CHIC2: variants seen among roughly 807,000 people sequenced by gnomAD.
The protein encoded by CHIC2 is cysteine rich hydrophobic domain 2.
CHIC2 carries 14 observed loss-of-function variants against 25.9 expected under a neutral mutation model. The ratio of observed to expected loss-of-function variants is 0.54; its 90% CI spans 0.36 to 0.85. The LOEUF (loss-of-function observed/expected upper bound fraction) is 0.85, where lower values mean the gene tolerates loss of function less well. CHIC2 is among the 40% of genes least tolerant of loss of function. The pLI is 0.01. For synonymous variants in CHIC2, 70 were observed against 72.0 expected (o/e 0.97, Z 0.14); for missense variants, 146 against 202.0 (o/e 0.72, Z 1.68).
upstream of CHIC2, among the ~76,000 whole-genome samples, chr4:54,069,522 C>T (rs1717583070): frequency 6.6e-6 from 1 of 152,210 alleles, no homozygotes; most frequent in Non-Finnish European, 1.5e-5. Flanking sequence ...GCTCTCAGAA[C>T]CCTGTTCCTT....
chr4:54,083,620 G>A, the CHIC2 span, among the ~76,000 whole-genome samples: 1 of 151,890 alleles, frequency 6.6e-6, no homozygotes, highest in Non-Finnish European at 1.5e-5. Context: ...AGTAACCAAG[G>A]CTCATTGGTG....
At chr4:54,040,859 C>A (rs1180727147) in intron 3 of CHIC2, among the ~76,000 whole-genome samples, 1 of 150,746 alleles carries the variant, frequency 6.6e-6, no homozygotes, top group Non-Finnish European at 1.5e-5. Context: ...GCCTGGATGA[C>A]AAGAGTAAAA....
At chr4:54,090,298 G>C in the CHIC2 span, among the ~76,000 whole-genome samples, 6 of 152,080 alleles carry the variant, frequency 3.9e-5, no homozygotes, top group South Asian at 2.1e-4. Context: ...GAATTCTCCT[G>C]TCTCAGCCTC....
In CHIC2 at chr4:54,014,057, A is replaced by G. The variant is rs749039592; in HGVS notation, c.387+6T>C. On this transcript the variant is annotated splice_donor_region_variant and intron_variant, in intron 4 of 5. Transcript: ENST00000263921. The stretch of plus-strand genomic sequence containing the variant: ...ACAGTACGAAGCTGCTCCCTGTGGT[A>G]CTCACCTTGTGGTATAACCTATTGT... The G allele has an allele frequency of 6.2e-7, 1 of 1,613,090 alleles. No homozygotes were observed. The highest frequency in any genetic ancestry group is 8.5e-7 in the Non-Finnish European group (1 of 1,179,354).
At chr4:54,045,050 A>G (rs868718449) in intron 3 of CHIC2, among the ~76,000 whole-genome samples, 1 of 152,262 alleles carries the variant, frequency 6.6e-6, no homozygotes, top group Non-Finnish European at 1.5e-5. Flanking sequence ...AAAATCCAGA[A>G]GAAATGGATA....
intron 3 of CHIC2, among the ~76,000 whole-genome samples, chr4:54,034,731 G>A (rs1716332872): frequency 6.6e-6 from 1 of 152,004 alleles, no homozygotes; most frequent in Admixed American, 6.6e-5. Context: ...TATACTTGTT[G>A]CTTTTTCTTG....
At chr4:54,029,935 C>A (rs983954794) in intron 3 of CHIC2, among the ~76,000 whole-genome samples, 9 of 152,178 alleles carry the variant, frequency 5.9e-5, no homozygotes, top group Non-Finnish European at 1.2e-4. Context: ...CTATTCACTT[C>A]TCCCATTTAG....
intron 1 of CHIC2, among the ~76,000 whole-genome samples, chr4:54,053,808 TGAGAC>T: frequency 6.6e-6 from 1 of 152,296 alleles, no homozygotes; most frequent in African/African-American, 2.4e-5. Context: ...TTTATTTTTT[TGAGAC>T]AGAGTCTCGC....
chr4:54,062,485 C>T (rs751943769), intron 1 of CHIC2, among the ~76,000 whole-genome samples: 8 of 152,060 alleles, frequency 5.3e-5, no homozygotes, highest in Non-Finnish European at 8.8e-5. Flanking sequence ...AGTTTGAAAA[C>T]CACTAATAAT....
chr4:54,042,260 T>C (rs1424794884), intron 3 of CHIC2, among the ~76,000 whole-genome samples: 1 of 152,198 alleles, frequency 6.6e-6, no homozygotes, highest in Non-Finnish European at 1.5e-5. Context: ...TCTAGTCATA[T>C]AAAATACAAA....
At chr4:54,048,803 AC>A (rs1716910828) in intron 3 of CHIC2, 151 bp downstream of exon 3, 2 of 576,110 alleles carry the variant, frequency 3.5e-6, no homozygotes, top group African/African-American at 3.9e-5. Context: ...ATATATAGTA[AC>A]TTTACTGACT....
chr4:54,012,489 T>C (rs1008043322), intron 5 of CHIC2, among the ~76,000 whole-genome samples: 1 of 152,180 alleles, frequency 6.6e-6, no homozygotes, highest in South Asian at 2.1e-4. Context: ...ACTTTTATGT[T>C]TTCCTTTCCA....
chr4:54,069,876 C>T, the CHIC2 span, among the ~76,000 whole-genome samples: 2 of 152,160 alleles, frequency 1.3e-5, no homozygotes, highest in African/African-American at 2.4e-5. Context: ...GTGCCAGGAA[C>T]TAGGGATTTA....
intron 1 of CHIC2, among the ~76,000 whole-genome samples, chr4:54,063,469 A>G (rs745714493): frequency 5.3e-5 from 8 of 152,222 alleles, no homozygotes; most frequent in Non-Finnish European, 1.0e-4. Context: ...TAATGTTACT[A>G]GTGGGACTTT....
intron 3 of CHIC2, among the ~76,000 whole-genome samples, chr4:54,045,717 G>A (rs1216987471): frequency 2.0e-4 from 30 of 152,082 alleles, no homozygotes. Context: ...AAAACTGGAA[G>A]CATTCCCTTT....
At chr4:54,040,703 CAAAAA>C (rs71200354) in intron 3 of CHIC2, among the ~76,000 whole-genome samples, 2 of 59,310 alleles carry the variant, frequency 3.4e-5, no homozygotes, top group South Asian at 8.3e-4. Flanking sequence ...AACTCTGTCT[CAAAAA>C]AAAAAAAAAA....
chr4:54,065,332 C>G (rs1427590769), upstream of CHIC2: 4 of 984,240 alleles, frequency 4.1e-6, no homozygotes, highest in African/African-American at 7.0e-5. Context: ...GATGCAGTTT[C>G]TTGCCCCAAC....
the CHIC2 span, among the ~76,000 whole-genome samples, chr4:54,084,891 C>T: frequency 5.5e-5 from 8 of 145,446 alleles, no homozygotes; most frequent in East Asian, 2.0e-4. Flanking sequence ...ACTCAGGAGG[C>T]GAAGGTTGCA....
chr4:54,064,355 G>GGGTT lies in CHIC2; in HGVS notation c.-56_-55insAACC, dbSNP rs2110097547. The GGGTT allele has an allele frequency of 6.2e-7, 1 of 1,602,898 alleles. No homozygotes were observed. The highest frequency in any genetic ancestry group is 1.7e-5 in the Admixed American group (1 of 58,254). On this transcript the variant is annotated 5_prime_UTR_variant, in exon 1 of 6. Coordinates refer to ENST00000263921, the MANE Select transcript of CHIC2 (RefSeq NM_012110.4). This position sits in a 1 kb window ranked among gnomAD's most constrained non-coding sequence, Gnocchi z 4.2. ...GGCCTGACTCCCGGGGTTGGCGCCG[G>GGGTT]GGTACCGGCGGGCGAGGCGGCGGAG...
Sources: gnomAD v4.1 joint callset for allele counts (sites outside exome capture counted in the v4.1 genomes callset) on GRCh38, gnomAD v4.1.1 for gene constraint, Gnocchi (gnomAD v3.1) non-coding constraint, MANE v1.5 for transcripts, NCBI Gene and HGNC (gene_info 2026-07-23, HGNC 2026-07-21) for gene names.